The following CNTNAP2 variants were observed in gnomAD, a reference collection of about 807,000 sequenced individuals.
CNTNAP2 encodes the protein contactin associated protein 2.
In CNTNAP2, 98 loss-of-function variants were observed where a neutral mutation model predicts 155.2. The ratio of observed to expected loss-of-function variants is 0.63; its 90% CI spans 0.54 to 0.75. CNTNAP2 has a LOEUF of 0.75. Ranked by LOEUF, CNTNAP2 falls within the 30% of genes least tolerant of loss-of-function variation. The pLI, the probability that CNTNAP2 is intolerant of heterozygous loss-of-function variation, is 0.00. For missense variants in CNTNAP2, 1,727 were observed against 1,688.1 expected, an observed-to-expected ratio of 1.02 and a Z score of -0.40; for synonymous variants, 651 against 631.2, an observed-to-expected ratio of 1.03 and a Z score of -0.47.
chr7:146,240,581 T>C (rs555811689), intron 1 of CNTNAP2, among the ~76,000 whole-genome samples: 1 of 151,710 alleles, frequency 6.6e-6, no homozygotes, highest in East Asian at 1.9e-4. Context: ...ATTAAATGCA[T>C]ATAATATATA....
intron 14 of CNTNAP2, among the ~76,000 whole-genome samples, chr7:147,961,163 T>G (rs1167351689): frequency 6.6e-6 from 1 of 152,122 alleles, no homozygotes; most frequent in Non-Finnish European, 1.5e-5. Flanking sequence ...TTAATTTATA[T>G]CCCTGTCCTA....
chr7:147,660,389 C>G (rs1795591463), intron 13 of CNTNAP2, among the ~76,000 whole-genome samples: 1 of 152,144 alleles, frequency 6.6e-6, no homozygotes, highest in Admixed American at 6.6e-5. Flanking sequence ...AGCCCAAGGT[C>G]TACATATCTT....
At chr7:147,946,925 A>G (rs1800829701) in intron 14 of CNTNAP2, among the ~76,000 whole-genome samples, 1 of 152,216 alleles carries the variant, frequency 6.6e-6, no homozygotes, top group South Asian at 2.1e-4. Flanking sequence ...AGAATGACCC[A>G]ATAATCCAGT....
chr7:146,733,127 T>A (rs1801554425), intron 1 of CNTNAP2, among the ~76,000 whole-genome samples: 1 of 152,080 alleles, frequency 6.6e-6, no homozygotes, highest in African/African-American at 2.4e-5. Context: ...CTAAAAAGTC[T>A]CTGATGAGCT....
chr7:148,200,681 A>G (rs974856224), intron 18 of CNTNAP2, among the ~76,000 whole-genome samples: 1 of 152,210 alleles, frequency 6.6e-6, no homozygotes, highest in Non-Finnish European at 1.5e-5. Flanking sequence ...CATTCTCCGC[A>G]GTAATTTTTT....
At chr7:146,299,541 C>T (rs1472550863) in intron 1 of CNTNAP2, among the ~76,000 whole-genome samples, 1 of 152,070 alleles carries the variant, frequency 6.6e-6, no homozygotes. Context: ...GGCCACCATG[C>T]AGCTAATTTT....
chr7:146,650,199 A>G (rs1041770006), intron 1 of CNTNAP2, among the ~76,000 whole-genome samples: 29 of 152,302 alleles, frequency 1.9e-4, no homozygotes, highest in Non-Finnish European at 3.7e-4. Context: ...TACTGGGTAT[A>G]TACCCAAAGG....
At chr7:146,947,384 TTC>T (rs66835656) in intron 3 of CNTNAP2, among the ~76,000 whole-genome samples, 13,258 of 128,198 alleles carry the variant, frequency 0.1, 803 homozygotes, top group Non-Finnish European at 0.13. Flanking sequence ...CCTTCTCTCT[TTC>T]TCTCTCTCTC....
intron 1 of CNTNAP2, among the ~76,000 whole-genome samples, chr7:146,628,312 C>T (rs895418649): frequency 4.6e-5 from 7 of 151,968 alleles, no homozygotes; most frequent in Admixed American, 6.6e-5. Context: ...TTATCATATG[C>T]GGAATCTATG....
chr7:146,861,824 C>T (rs1386749653), intron 3 of CNTNAP2, among the ~76,000 whole-genome samples: 1 of 151,920 alleles, frequency 6.6e-6, no homozygotes, highest in African/African-American at 2.4e-5. Context: ...AGCCATGGCG[C>T]CTTATAAATA....
intron 1 of CNTNAP2, among the ~76,000 whole-genome samples, chr7:146,760,858 A>T (rs769354307): frequency 1.2e-4 from 18 of 152,076 alleles, no homozygotes; most frequent in Non-Finnish European, 2.5e-4. Context: ...AACTACACTC[A>T]ATGAAGGAGC....
At chr7:147,698,553 T>G (rs939590136) in intron 13 of CNTNAP2, among the ~76,000 whole-genome samples, 1 of 152,238 alleles carries the variant, frequency 6.6e-6, no homozygotes, top group African/African-American at 2.4e-5. Context: ...ATTTTATTAT[T>G]TAAGTCCAAA....
intron 15 of CNTNAP2, among the ~76,000 whole-genome samples, chr7:148,032,242 C>G (rs10485848): frequency 0.33 from 49,851 of 151,992 alleles, 9,727 homozygotes; most frequent in East Asian, 0.77. Context: ...CCATCTATGT[C>G]TCACTGAAAG....
intron 3 of CNTNAP2, among the ~76,000 whole-genome samples, chr7:146,944,461 GATA>G (rs1377153269): frequency 6.6e-6 from 1 of 151,954 alleles, no homozygotes; most frequent in Non-Finnish European, 1.5e-5. Context: ...TTATAAATAT[GATA>G]ATAAATTAGA....
chr7:148,385,189 C>T (rs1799163794), intron 22 of CNTNAP2, among the ~76,000 whole-genome samples: 1 of 152,146 alleles, frequency 6.6e-6, no homozygotes, highest in South Asian at 2.1e-4. Flanking sequence ...CCAAAATTGC[C>T]CTGTTGTCAG....
chr7:148,247,667 T>A (rs113904043), intron 20 of CNTNAP2, among the ~76,000 whole-genome samples: 42 of 121,888 alleles, frequency 3.4e-4, no homozygotes, highest in East Asian at 1.7e-3. Context: ...TTATTTATTT[T>A]TTTGGAGATA....
At chr7:147,099,022 C>T (rs552144108) in intron 4 of CNTNAP2, among the ~76,000 whole-genome samples, 1 of 152,126 alleles carries the variant, frequency 6.6e-6, no homozygotes, top group Non-Finnish European at 1.5e-5. Flanking sequence ...GCACCAGGAT[C>T]TGTCAGGAGG....
Position 148,305,116 on chromosome 7 carries a change from G to T in CNTNAP2, c.3475+37990G>T, listed in dbSNP as rs28710040. On this transcript the variant is annotated intron_variant, in intron 21 of 23. Coordinates refer to ENST00000361727, the MANE Select transcript of CNTNAP2 (RefSeq NM_014141.6). ...TGCACACCTGTAGTCCCAGCTACTT[G>T]GGAGGCTGAAGTGGGAGGATCACTT... Among the ~76,000 whole-genome samples the T allele has an allele frequency of 3.6e-3, 543 of 148,868 alleles. 7 individuals are homozygous for T. Among genetic ancestry groups the T allele is most frequent in the African/African-American group, 0.013 (517 of 40,492 alleles).
chr7:146,933,803 A>G (rs949518550), intron 3 of CNTNAP2, among the ~76,000 whole-genome samples: 30 of 152,180 alleles, frequency 2.0e-4, no homozygotes, highest in Non-Finnish European at 3.1e-4. Context: ...CACTTCTCAA[A>G]AGAAGACATT....
Sources: allele counts gnomAD v4.1 joint callset (sites outside exome capture counted in the v4.1 genomes callset), GRCh38; gene constraint gnomAD v4.1.1; transcripts MANE v1.5; gene names NCBI Gene and HGNC (gene_info 2026-07-23, HGNC 2026-07-21).